Variants in MNAT1 observed in about 807,000 individuals in gnomAD.
The protein encoded by MNAT1 is CDK-activating kinase assembly factor MAT1.
MNAT1 carries 43 observed loss-of-function variants against 42.0 expected under a neutral mutation model. The observed-to-expected ratio is 1.02, with a 90% confidence interval of 0.80 to 1.32. MNAT1 has a LOEUF of 1.32. Among genes scored for constraint, MNAT1 ranks in the 40% most tolerant of loss-of-function variants. The probability of loss-of-function intolerance (pLI) is 0.00; values close to 1 mark genes in which losing one functional copy is unlikely to be tolerated. For missense variants in MNAT1, 306 were observed against 350.4 expected (o/e 0.87, Z 1.01); for synonymous variants, 118 against 120.0 (o/e 0.98, Z 0.11).
chr14:60,908,067 C>T (rs1478661068), intron 7 of MNAT1, among the ~76,000 whole-genome samples: 2 of 151,968 alleles, frequency 1.3e-5, no homozygotes, highest in Admixed American at 6.5e-5. Flanking sequence ...TAAAAACAAC[C>T]AATTTTAATG....
chr14:60,927,991 A>G (rs1384165976), intron 7 of MNAT1, among the ~76,000 whole-genome samples: 1 of 152,210 alleles, frequency 6.6e-6, no homozygotes, highest in Non-Finnish European at 1.5e-5. Flanking sequence ...AGAACCTTCG[A>G]CAACCCCAAA....
chr14:60,760,476 A>G (rs540839492), intron 1 of MNAT1, among the ~76,000 whole-genome samples: 1 of 152,312 alleles, frequency 6.6e-6, no homozygotes, highest in South Asian at 2.1e-4. Flanking sequence ...ACTGCCTTTC[A>G]TATTTGTGTT....
chr14:60,872,090 GA>G (rs1566804457), intron 6 of MNAT1, among the ~76,000 whole-genome samples: 1 of 152,202 alleles, frequency 6.6e-6, no homozygotes, highest in East Asian at 1.9e-4. Context: ...ATTCATTAAG[GA>G]AAGATGTTTA....
At position 60,935,634 on chromosome 14, in the gene MNAT1, A is replaced by G. The variant is rs111693698; in HGVS notation, c.810-32595A>G. ...TGGACATTGTGAAAAATTCAAAAATATATTATGGCTTCTGCTCACAGAATG... is the reference window on the plus strand; with the variant it reads ...TGGACATTGTGAAAAATTCAAAAATGTATTATGGCTTCTGCTCACAGAATG... On this transcript the variant is annotated intron_variant, in intron 7 of 7. Transcript: ENST00000261245. Among the ~76,000 whole-genome samples the G allele has an allele frequency of 3.1e-3, 472 of 152,324 alleles. 1 individual carries two copies. Among genetic ancestry groups the G allele is most frequent in the African/African-American group, 0.011 (449 of 41,562 alleles).
intron 7 of MNAT1, among the ~76,000 whole-genome samples, chr14:60,963,724 C>T (rs1594916449): frequency 1.3e-5 from 2 of 152,102 alleles, no homozygotes; most frequent in Admixed American, 6.6e-5. Flanking sequence ...AAACGGGCCA[C>T]CTTGTAAAAA....
intron 6 of MNAT1, among the ~76,000 whole-genome samples, chr14:60,839,591 GA>G (rs2033489049): frequency 6.6e-6 from 1 of 152,200 alleles, no homozygotes; most frequent in Non-Finnish European, 1.5e-5. Flanking sequence ...GGGGTGATGA[GA>G]AGGAGAGAAG....
chr14:60,855,706 C>T (rs773553237), intron 6 of MNAT1, among the ~76,000 whole-genome samples: 3 of 152,132 alleles, frequency 2.0e-5, no homozygotes, highest in South Asian at 2.1e-4. Flanking sequence ...CTTCCTTCTG[C>T]GTTGGTCTCA....
rs150337085 is a variant in MNAT1, at chr14:60,780,548, C to T, written c.90-15669C>T. ...CCTTTGTTCATTTACTACTACAATC[C>T]ACAAAGTAAATAGCATGGTGGCCTA... On this transcript the variant is annotated intron_variant, in intron 1 of 7. Transcript: ENST00000261245. The T allele has an allele frequency of 2.7e-5, 41 of 1,537,298 alleles. No individual in the cohort carries two copies. In the African/African-American group the frequency reaches 4.9e-4, roughly 18 times the overall value.
At chr14:60,818,606 T>G in intron 5 of MNAT1, 116 bp from the exon 6 acceptor site, 2 of 844,634 alleles carry the variant, frequency 2.4e-6, no homozygotes, top group Non-Finnish European at 3.4e-6. Flanking sequence ...CTCCATAATG[T>G]GAATATTTAG....
At chr14:60,962,881 A>G (rs1437140637) in intron 7 of MNAT1, among the ~76,000 whole-genome samples, 1 of 152,240 alleles carries the variant, frequency 6.6e-6, no homozygotes, top group African/African-American at 2.4e-5. Flanking sequence ...TTCAAATTGT[A>G]TTCTCACTAG....
At chr14:60,909,199 G>A (rs1361222951) in intron 7 of MNAT1, among the ~76,000 whole-genome samples, 11 of 152,082 alleles carry the variant, frequency 7.2e-5, no homozygotes. Context: ...ATTTGTTTGA[G>A]TTCATTGTAG....
chr14:60,889,857 C>T (rs61263155), intron 7 of MNAT1, among the ~76,000 whole-genome samples: 45,687 of 152,104 alleles, frequency 0.3, 7,814 homozygotes, highest in Admixed American at 0.43. Context: ...AAAATGCTCA[C>T]CATCACTGGT....
At chr14:60,746,696 T>G (rs1896626879) in intron 1 of MNAT1, among the ~76,000 whole-genome samples, 1 of 150,968 alleles carries the variant, frequency 6.6e-6, no homozygotes, top group Admixed American at 6.6e-5. Context: ...CTAACATATA[T>G]TTTTTGCTTG....
chr14:60,815,505 G>C (rs527643846), intron 5 of MNAT1, among the ~76,000 whole-genome samples: 1 of 152,090 alleles, frequency 6.6e-6, no homozygotes, highest in African/African-American at 2.4e-5. Flanking sequence ...GTGAGCCACC[G>C]CGCCCAGCCG....
intron 7 of MNAT1, among the ~76,000 whole-genome samples, chr14:60,884,422 A>G (rs943653467): frequency 6.6e-6 from 1 of 152,096 alleles, no homozygotes. Context: ...ACATGTGGTC[A>G]TGATGAGTGA....
chr14:60,807,904 G>T (rs1357182489), intron 3 of MNAT1, among the ~76,000 whole-genome samples: 1 of 151,784 alleles, frequency 6.6e-6, no homozygotes, highest in African/African-American at 2.4e-5. Flanking sequence ...CCTGTTTTTT[G>T]TTTGATATAA....
At chr14:60,838,776 T>A (rs1407939393) in intron 6 of MNAT1, among the ~76,000 whole-genome samples, 1 of 151,854 alleles carries the variant, frequency 6.6e-6, no homozygotes, top group Non-Finnish European at 1.5e-5. Flanking sequence ...GAAGCCCCAC[T>A]GCCCCTCCAG....
intron 1 of MNAT1, among the ~76,000 whole-genome samples, chr14:60,736,058 T>A (rs1896298783): frequency 6.6e-6 from 1 of 152,250 alleles, no homozygotes; most frequent in African/African-American, 2.4e-5. Flanking sequence ...TTAGCTTACT[T>A]AACTTTTCTA....
intron 7 of MNAT1, among the ~76,000 whole-genome samples, chr14:60,886,587 A>G (rs1300270038): frequency 2.0e-5 from 3 of 151,970 alleles, no homozygotes; most frequent in Admixed American, 1.3e-4. Context: ...ATATATCAAT[A>G]TTAGTATAAA....
Sources: allele counts gnomAD v4.1 joint callset (sites outside exome capture counted in the v4.1 genomes callset), GRCh38; gene constraint gnomAD v4.1.1; transcripts MANE v1.5; gene names NCBI Gene and HGNC (gene_info 2026-07-23, HGNC 2026-07-21).